PRKCE: variants seen among roughly 807,000 people sequenced by gnomAD.
The protein encoded by PRKCE is protein kinase C epsilon type.
PRKCE carries 16 observed loss-of-function variants against 85.4 expected under a neutral mutation model. The ratio of observed to expected loss-of-function variants is 0.19; its 90% CI spans 0.13 to 0.28. The LOEUF (loss-of-function observed/expected upper bound fraction) is 0.28, where lower values mean the gene tolerates loss of function less well. Ranked by LOEUF, PRKCE falls within the 10% of genes least tolerant of loss-of-function variation. PRKCE has a pLI of 1.00. For missense variants in PRKCE, 573 were observed against 975.2 expected, an observed-to-expected ratio of 0.59 and a Z score of 5.49; for synonymous variants, 388 against 371.5, an observed-to-expected ratio of 1.04 and a Z score of -0.51.
intron 1 of PRKCE, among the ~76,000 whole-genome samples, chr2:45,834,584 A>ATGTG (rs1483056012): frequency 1.5e-5 from 2 of 132,230 alleles, no homozygotes; most frequent in South Asian, 2.4e-4. Context: ...ACGTGTGCGC[A>ATGTG]TGTGTGTATG....
At chr2:45,892,393 ACTTT>A (rs1157101957) in intron 2 of PRKCE, among the ~76,000 whole-genome samples, 1 of 151,964 alleles carries the variant, frequency 6.6e-6, no homozygotes, top group Non-Finnish European at 1.5e-5. Flanking sequence ...GGTATTTGAT[ACTTT>A]CTTTTTTTTT....
chr2:45,772,920 G>A (rs551315945), intron 1 of PRKCE, among the ~76,000 whole-genome samples: 1 of 152,268 alleles, frequency 6.6e-6, no homozygotes, highest in Admixed American at 6.5e-5. Context: ...CATTGTTTAG[G>A]TGTTTAGACT....
chr2:46,119,236 C>T (rs1290007398), intron 11 of PRKCE, among the ~76,000 whole-genome samples: 1 of 151,608 alleles, frequency 6.6e-6, no homozygotes, highest in African/African-American at 2.4e-5. Flanking sequence ...GCAATCACTG[C>T]TGATTACAGT....
At chr2:45,692,874 G>C (rs1677850184) in intron 1 of PRKCE, among the ~76,000 whole-genome samples, 1 of 152,240 alleles carries the variant, frequency 6.6e-6, no homozygotes, top group Non-Finnish European at 1.5e-5. Context: ...TGGAATTTTA[G>C]TTGTAGAGAA....
At chr2:45,814,627 C>T (rs141096921) in intron 1 of PRKCE, among the ~76,000 whole-genome samples, 48 of 152,294 alleles carry the variant, frequency 3.2e-4, no homozygotes, top group African/African-American at 1.1e-3. Flanking sequence ...TGGAAGAAAA[C>T]GAGGAGCACC....
chr2:45,999,984 T>G (rs1315511979), intron 6 of PRKCE, among the ~76,000 whole-genome samples: 2 of 152,248 alleles, frequency 1.3e-5, no homozygotes, highest in African/African-American at 4.8e-5. Flanking sequence ...CTGCTTATAC[T>G]GCCCATTTGT....
intron 1 of PRKCE, chr2:45,677,753 G>A: frequency 1.8e-6 from 1 of 542,100 alleles, no homozygotes. Flanking sequence ...ACTCTGGCTT[G>A]TGGTCGGGTG....
At chr2:45,876,420 C>T (rs1456961256) in intron 2 of PRKCE, among the ~76,000 whole-genome samples, 1 of 152,326 alleles carries the variant, frequency 6.6e-6, no homozygotes, top group East Asian at 1.9e-4. Context: ...ATTATTTGTA[C>T]TTAAAAGCAC....
chr2:46,089,305 C>A (rs1034679084), intron 11 of PRKCE, among the ~76,000 whole-genome samples: 2 of 152,206 alleles, frequency 1.3e-5, no homozygotes, highest in Non-Finnish European at 2.9e-5. Context: ...TCTAGCCCCC[C>A]ATTATTTCCA....
intron 2 of PRKCE, among the ~76,000 whole-genome samples, chr2:45,919,782 T>C (rs551735611): frequency 2.6e-5 from 4 of 152,342 alleles, no homozygotes; most frequent in Admixed American, 2.0e-4. Context: ...TACCATGGCA[T>C]GTGTGGAGTC....
At chr2:45,877,136 A>T (rs1336645160) in intron 2 of PRKCE, among the ~76,000 whole-genome samples, 1 of 152,096 alleles carries the variant, frequency 6.6e-6, no homozygotes, top group Non-Finnish European at 1.5e-5. Flanking sequence ...GTAGGGAGTT[A>T]TTTCCTTTGA....
At chr2:46,156,104 T>G (rs1162645468) in intron 13 of PRKCE, among the ~76,000 whole-genome samples, 3 of 148,016 alleles carry the variant, frequency 2.0e-5, no homozygotes, top group African/African-American at 7.4e-5. Flanking sequence ...TCGCGCCTCA[T>G]CCCCTACTTA....
chr2:45,825,176 T>C (rs1336478366), intron 1 of PRKCE, among the ~76,000 whole-genome samples: 2 of 152,248 alleles, frequency 1.3e-5, no homozygotes, highest in Non-Finnish European at 2.9e-5. Flanking sequence ...TCTAATCCTC[T>C]TACTCCCTTT....
intron 11 of PRKCE, among the ~76,000 whole-genome samples, chr2:46,125,843 G>C (rs1311886788): frequency 6.6e-6 from 1 of 152,188 alleles, no homozygotes; most frequent in East Asian, 1.9e-4. Context: ...TTGCATACAT[G>C]ATTACTGCCA....
chr2:45,961,097 C>G (rs1216163597), intron 2 of PRKCE, among the ~76,000 whole-genome samples: 1 of 152,190 alleles, frequency 6.6e-6, no homozygotes, highest in Non-Finnish European at 1.5e-5. Flanking sequence ...GCCTTACTCA[C>G]TTATACACAG....
intron 11 of PRKCE, among the ~76,000 whole-genome samples, chr2:46,102,743 A>G (rs1469327933): frequency 6.6e-6 from 1 of 152,152 alleles, no homozygotes; most frequent in Non-Finnish European, 1.5e-5. Flanking sequence ...GATTTGTCTG[A>G]TGTTTTCCTC....
chr2:45,679,261 T>C (rs1299250066), intron 1 of PRKCE, among the ~76,000 whole-genome samples: 2 of 152,190 alleles, frequency 1.3e-5, no homozygotes, highest in African/African-American at 4.8e-5. Context: ...CAGGCACACA[T>C]ATACTCAAAA....
At chr2:45,788,754 T>C (rs535002867) in intron 1 of PRKCE, among the ~76,000 whole-genome samples, 77 of 152,350 alleles carry the variant, frequency 5.1e-4, no homozygotes, top group Non-Finnish European at 9.6e-4. Flanking sequence ...CCTTTATTAC[T>C]TACTTTCTGT....
intron 1 of PRKCE, among the ~76,000 whole-genome samples, chr2:45,683,042 T>A (rs893069883): frequency 3.9e-5 from 6 of 152,186 alleles, no homozygotes; most frequent in African/African-American, 1.4e-4. Flanking sequence ...GGGGGAATAG[T>A]TTGTAATGGC....
Sources: allele counts gnomAD v4.1 joint callset (sites outside exome capture counted in the v4.1 genomes callset), GRCh38; gene constraint gnomAD v4.1.1; transcripts MANE v1.5; gene names NCBI Gene and HGNC (gene_info 2026-07-23, HGNC 2026-07-21).